MYLK: variants seen among roughly 807,000 people sequenced by gnomAD.
The protein encoded by MYLK is myosin light chain kinase, smooth muscle.
Under a neutral mutation model 203.4 loss-of-function variants are expected in MYLK, and 106 were observed. That is an observed-to-expected ratio of 0.52 (90% confidence interval 0.45 to 0.61). MYLK has a LOEUF of 0.61. MYLK is among the 20% of genes least tolerant of loss of function. The pLI, the probability that MYLK is intolerant of heterozygous loss-of-function variation, is 0.00. For synonymous variants in MYLK, 867 were observed against 959.5 expected (o/e 0.90, Z 1.78); for missense variants, 2,072 against 2,442.3 (o/e 0.85, Z 3.20).
chr3:123,626,558 C>T (rs1272187000), intron 31 of MYLK, among the ~76,000 whole-genome samples: 1 of 152,166 alleles, frequency 6.6e-6, no homozygotes, highest in Non-Finnish European at 1.5e-5. Context: ...TAAGGGTTTA[C>T]GGTCCCCTGG....
chr3:123,711,081 A>C (rs984310797), intron 13 of MYLK, among the ~76,000 whole-genome samples: 7 of 151,466 alleles, frequency 4.6e-5, no homozygotes, highest in African/African-American at 1.7e-4. Flanking sequence ...ACAGAGCAAG[A>C]TTCTGTCTCA....
At chr3:123,788,583 T>C (rs1360603617) in intron 4 of MYLK, among the ~76,000 whole-genome samples, 5 of 127,500 alleles carry the variant, frequency 3.9e-5, no homozygotes, top group Non-Finnish European at 6.4e-5. Context: ...TTCCCCTTCC[T>C]GTGTCCATGT....
At chr3:123,722,841 G>A (rs820358) in intron 12 of MYLK, among the ~76,000 whole-genome samples, 140,438 of 152,236 alleles carry the variant, frequency 0.92, 65,753 homozygotes, top group East Asian at 1. Flanking sequence ...AGTTAGGTGC[G>A]TTTCTTCTAT....
chr3:123,822,004 T>C (rs901354991), intron 3 of MYLK, among the ~76,000 whole-genome samples: 1 of 152,124 alleles, frequency 6.6e-6, no homozygotes, highest in Admixed American at 6.5e-5. Flanking sequence ...AGGAATGGGT[T>C]CATTATTGTA....
At chr3:123,867,658 CTGTT>C (rs759190970) in intron 2 of MYLK, among the ~76,000 whole-genome samples, 2 of 152,198 alleles carry the variant, frequency 1.3e-5, no homozygotes, top group Non-Finnish European at 2.9e-5. Context: ...AAGCTTGACT[CTGTT>C]TGAACCCCTG....
At chr3:123,788,124 AG>A (rs2064613573) in intron 4 of MYLK, among the ~76,000 whole-genome samples, 1 of 152,230 alleles carries the variant, frequency 6.6e-6, no homozygotes, top group African/African-American at 2.4e-5. Flanking sequence ...AGATCACTTA[AG>A]TAGCAGAAGG....
intron 24 of MYLK, 43 bp downstream of exon 24, chr3:123,657,083 C>G: frequency 3.1e-6 from 5 of 1,606,664 alleles, no homozygotes; most frequent in Non-Finnish European, 4.3e-6. Context: ...AGGTCAGTCA[C>G]GCACATTTGT....
intron 5 of MYLK, among the ~76,000 whole-genome samples, chr3:123,741,866 C>T (rs150395342): frequency 5.3e-5 from 8 of 152,292 alleles, no homozygotes; most frequent in Admixed American, 1.3e-4. Context: ...GATATTATCT[C>T]ATTCGTTCCT....
intron 8 of MYLK, 86 bp from the exon 9 acceptor site, chr3:123,735,502 G>A (rs537532255): frequency 1.3e-5 from 19 of 1,498,484 alleles, no homozygotes; most frequent in South Asian, 3.4e-5. Context: ...CCTCATCACC[G>A]TGGTCCCACC....
intron 14 of MYLK, 69 bp from the exon 15 acceptor site, chr3:123,708,964 T>C (rs2108644567): frequency 7.6e-7 from 1 of 1,323,132 alleles, no homozygotes; most frequent in Non-Finnish European, 1.1e-6. Context: ...AACTCTGCGC[T>C]GAATGCAGTG....
intron 4 of MYLK, among the ~76,000 whole-genome samples, chr3:123,781,647 T>C (rs907243286): frequency 1.3e-5 from 2 of 152,066 alleles, no homozygotes; most frequent in African/African-American, 4.8e-5. Context: ...CCAATACAAA[T>C]AGGCACTGAA....
intron 23 of MYLK, among the ~76,000 whole-genome samples, chr3:123,663,147 A>T (rs2059619350): frequency 6.6e-6 from 1 of 152,128 alleles, no homozygotes; most frequent in African/African-American, 2.4e-5. Context: ...ACGGGGAACA[A>T]CTGGAGCAGA....
At chr3:123,761,506 G>T (rs536261563) in intron 4 of MYLK, among the ~76,000 whole-genome samples, 2 of 152,176 alleles carry the variant, frequency 1.3e-5, no homozygotes, top group Non-Finnish European at 2.9e-5. Flanking sequence ...GTGGCCAGGA[G>T]AGCATCTCTT....
At chr3:123,814,113 G>A (rs1297773695) in intron 3 of MYLK, 2 of 348,654 alleles carry the variant, frequency 5.7e-6, no homozygotes, top group African/African-American at 2.2e-5. Flanking sequence ...CCCTGCCTGT[G>A]TAGGCACTGA....
intron 4 of MYLK, among the ~76,000 whole-genome samples, chr3:123,753,990 C>T (rs1227873819): frequency 6.6e-6 from 1 of 152,216 alleles, no homozygotes; most frequent in Non-Finnish European, 1.5e-5. Flanking sequence ...CTCACACCCC[C>T]TGCAAGGTCA....
At position 123,733,998 on chromosome 3, in the gene MYLK, G is replaced by A. The variant is rs568039936; in HGVS notation, c.998C>T (p.Pro333Leu). Residue 333 changes from proline (P) to leucine (L), a missense_variant, in exon 10 of 34, where the codon CCG becomes CTG. Physicochemically the swap from Pro to Leu is moderately conservative, Grantham distance 98. Coordinates refer to ENST00000360304, the MANE Select transcript of MYLK (RefSeq NM_053025.4). ...ESCKDSPRTA[P>L]QTPVLQKTSS... is the part of the protein sequence containing the mutation. ...AGTCTTCTGAAGGACCGGGGTCTGC[G>A]GGGCCGTTCTGGGCGAGTCCTTGCA... 91 of 1,614,120 alleles carry A rather than the reference G, an allele frequency of 5.6e-5. No homozygotes were observed. Among genetic ancestry groups the A allele is most frequent in the South Asian group, 3.8e-4 (35 of 91,064 alleles).
intron 19 of MYLK, chr3:123,692,501 G>A (rs564717626): frequency 2.2e-6 from 2 of 908,812 alleles, no homozygotes; most frequent in East Asian, 3.2e-5. Context: ...GAGGGGGACA[G>A]GACAGCCAGG....
Position 123,653,986 on chromosome 3 carries a change from T to TTGTGTGTGTGTG in MYLK, c.4288+3128_4288+3139dup, listed in dbSNP as rs752791805. ...CCACTCTGCTCATTTCAGAGGGATG[T>TTGTGTGTGTGTG]TGTGTGTGTGTGTGTGTGTGTGTGT... On this transcript the variant is annotated intron_variant, in intron 24 of 33. Coordinates refer to ENST00000360304, the MANE Select transcript of MYLK (RefSeq NM_053025.4). Among the ~76,000 whole-genome samples, 331 of 137,748 alleles carry TTGTGTGTGTGTG rather than the reference T, an allele frequency of 2.4e-3. 1 individual carries two copies. Among genetic ancestry groups the TTGTGTGTGTGTG allele is most frequent in the Non-Finnish European group, 2.9e-3 (186 of 63,848 alleles). The allele number at this position is 137,748 out of a possible 152,430, so 90.4% of individuals were successfully genotyped here.
intron 2 of MYLK, among the ~76,000 whole-genome samples, chr3:123,868,104 T>C (rs1560303782): frequency 6.6e-6 from 1 of 152,198 alleles, no homozygotes; most frequent in Non-Finnish European, 1.5e-5. Flanking sequence ...CAATGACTGA[T>C]AAATGACTGG....
Sources: gnomAD v4.1 joint callset for allele counts (sites outside exome capture counted in the v4.1 genomes callset) on GRCh38, gnomAD v4.1.1 for gene constraint, MANE v1.5 for transcripts, NCBI Gene and HGNC (gene_info 2026-07-23, HGNC 2026-07-21) for gene names.